Variants in SEPTIN5 observed in about 807,000 individuals in gnomAD.
SEPTIN5 encodes the protein septin-5.
In SEPTIN5, 16 loss-of-function variants were observed where a neutral mutation model predicts 51.2. The observed-to-expected ratio is 0.31, with a 90% CI of 0.21 to 0.47. The LOEUF is 0.47. SEPTIN5 is among the 20% of genes least tolerant of loss of function. The pLI is 0.99. For synonymous variants in SEPTIN5, 208 were observed against 191.2 expected (o/e 1.09, Z -0.72); for missense variants, 376 against 500.3 (o/e 0.75, Z 2.37).
In SEPTIN5 at chr22:19,714,758, C is replaced by G; in HGVS notation, c.44-23C>G. The G allele has an allele frequency of 1.9e-6, 3 of 1,589,230 alleles. No homozygotes were observed. Among genetic ancestry groups the G allele is most frequent in the Non-Finnish European group, 1.7e-6 (2 of 1,174,296 alleles). On this transcript the variant is annotated intron_variant, in intron 1 of 11. Coordinates refer to ENST00000455784, the MANE Select transcript of SEPTIN5 (RefSeq NM_002688.6). This position sits in a 1 kb window ranked among gnomAD's most constrained non-coding sequence, Gnocchi z 5.2. Reference sequence around the variant, plus strand: ...ACCCGCTCGGAACCGGACCCGGACTCGACCCCGACCCCGACCCCGCAGAGG... The same window carrying G: ...ACCCGCTCGGAACCGGACCCGGACTGGACCCCGACCCCGACCCCGCAGAGG...
chr22:19,720,863 A>C lies in SEPTIN5; in HGVS notation c.711A>C (p.Glu237Asp). The C allele has an allele frequency of 6.2e-7, 1 of 1,613,470 alleles. No homozygotes were observed. The highest frequency in any genetic ancestry group is 8.5e-7 in the Non-Finnish European group (1 of 1,179,792). Residue 237 changes from glutamate to aspartate, a missense_variant, in exon 8 of 12, where the codon GAA becomes GAC. Glu to Asp is a conservative substitution (Grantham distance 45, BLOSUM62 2). Around this residue, in one of 2 missense-constraint regions of SEPTIN5, gnomAD observed 287 missense variants for 417.1 expected, o/e 0.69. Coordinates refer to ENST00000455784, the MANE Select transcript of SEPTIN5 (RefSeq NM_002688.6). Reference protein sequence around the residue: ...EDEDFKQQDRELKESAPFAVI... With the variant: ...EDEDFKQQDRDLKESAPFAVI... ...AGGACTTCAAGCAGCAGGACCGGGA[A>C]CTGAAGGTGAACATGCAGACTGGTG...
intron 2 of SEPTIN5, among the ~76,000 whole-genome samples, chr22:19,716,367 G>C (rs1159776635): frequency 6.6e-6 from 1 of 152,228 alleles, no homozygotes; most frequent in Non-Finnish European, 1.5e-5. Context: ...AGAGGCATTG[G>C]GGGAGTTCCG....
At chr22:19,718,396 G>T in intron 2 of SEPTIN5, 1 of 1,034,248 alleles carries the variant, frequency 9.7e-7, no homozygotes, top group Non-Finnish European at 1.2e-6. Flanking sequence ...GGCGACGGCG[G>T]GCGGGGCCGT....
chr22:19,722,853 T>C lies in SEPTIN5; in HGVS notation c.*369T>C. 7 of 460,324 alleles carry C rather than the reference T, an allele frequency of 1.5e-5. No homozygotes were observed. The highest frequency in any genetic ancestry group is 1.5e-4 in the South Asian group (7 of 46,708). 28.5% of individuals were successfully genotyped at this position (460,324 alleles called of 1,614,324 possible). On this transcript the variant is annotated 3_prime_UTR_variant, in exon 12 of 12. Coordinates refer to ENST00000455784, the MANE Select transcript of SEPTIN5 (RefSeq NM_002688.6). Reference sequence around the variant, plus strand: ...ATCCTGGGTCTGTTCCCTGCCCCAGTGCTGCAGAACGGACTTGGGAGCCCT... The same window carrying C: ...ATCCTGGGTCTGTTCCCTGCCCCAGCGCTGCAGAACGGACTTGGGAGCCCT...
Position 19,720,925 on chromosome 22 carries a change from G to C in SEPTIN5, c.717+56G>C. ...ATGGAGCTGGTGAGGGGCAGAACCA[G>C]AGGGCTTTGTCTCCTTCACATTGAG... On this transcript the variant is annotated intron_variant, in intron 8 of 11. Coordinates refer to ENST00000455784, the MANE Select transcript of SEPTIN5 (RefSeq NM_002688.6). 5 of 1,481,444 alleles carry C rather than the reference G, an allele frequency of 3.4e-6. No individual in the cohort carries two copies. The South Asian group carries it at 4.5e-5, about 13-fold the overall frequency. The allele number at this position is 1,481,444 out of a possible 1,614,324, so 91.8% of individuals were successfully genotyped here.
intron 2 of SEPTIN5, chr22:19,718,532 G>T: frequency 7.8e-7 from 1 of 1,281,474 alleles, no homozygotes; most frequent in Non-Finnish European, 9.9e-7. Context: ...CCCAGTCAGG[G>T]GGATGGCTCG....
At chr22:19,719,490 A>G (rs1935980587) in intron 2 of SEPTIN5, 112 bp from the exon 3 acceptor site, 2 of 847,164 alleles carry the variant, frequency 2.4e-6, no homozygotes, top group Non-Finnish European at 3.6e-6. Context: ...GAAATGCCCC[A>G]CCCTGGGAAC....
chr22:19,721,830 C>T lies in SEPTIN5; in HGVS notation c.823C>T (p.Gln275Ter). Residue 275 changes from glutamine to a stop codon, truncating the protein, a stop_gained, in exon 10 of 12, where the codon CAG becomes TAG. Coordinates refer to ENST00000455784, the MANE Select transcript of SEPTIN5 (RefSeq NM_002688.6). LOFTEE classifies it high-confidence loss of function. Reference protein sequence around the residue: ...YPWGIVEVENQAHCDFVKLRN... With the variant: ...YPWGIVEVEN ...CCACCCCCACCCCGCAGTGGAGAACCAGGCGCATTGCGACTTCGTGAAGCT... is the reference window on the plus strand; with the variant it reads ...CCACCCCCACCCCGCAGTGGAGAACTAGGCGCATTGCGACTTCGTGAAGCT... The T allele has an allele frequency of 6.2e-7, 1 of 1,610,090 alleles. No homozygotes were observed. The highest frequency in any genetic ancestry group is 8.5e-7 in the Non-Finnish European group (1 of 1,177,944).
Position 19,721,874 on chromosome 22 carries a change from C to G in SEPTIN5, c.867C>G (p.Arg289=). Residue 289 remains arginine (R), a synonymous_variant, in exon 10 of 12, where the codon CGC becomes CGG. Transcript: ENST00000455784. ...TGAAGCTGCGCAACATGCTCATCCG[C>G]ACGCATATGCACGACCTCAAGGACG... ...DFVKLRNMLI[R]THMHDLKDVT... 1.2e-6 allele frequency: 2 copies of G among 1,612,284 alleles called. No homozygotes were observed. The highest frequency in any genetic ancestry group is 2.2e-5 in the South Asian group (2 of 91,084).
At position 19,718,907 on chromosome 22, in the gene SEPTIN5, C is replaced by T. The variant is rs1935964086; in HGVS notation, c.55-695C>T. 3 of 1,187,288 alleles carry T rather than the reference C, an allele frequency of 2.5e-6. No homozygotes were observed. In the South Asian group the frequency reaches 1.3e-4, roughly 51 times the overall value. The allele number at this position is 1,187,288 out of a possible 1,614,324, so 73.5% of individuals were successfully genotyped here. ...GGTCCCCGTCCCCGCGCGCCACGGC[C>T]CGCCAGCGCCTAGGCTCAGCCCTTC... On this transcript the variant is annotated intron_variant, in intron 2 of 11. Transcript: ENST00000455784.
chr22:19,716,032 C>T (rs1014404938), intron 2 of SEPTIN5, among the ~76,000 whole-genome samples: 2 of 152,222 alleles, frequency 1.3e-5, no homozygotes, highest in African/African-American at 2.4e-5. Flanking sequence ...ACTCTGAGAC[C>T]CTGGGCTCCA....
intron 8 of SEPTIN5, among the ~76,000 whole-genome samples, chr22:19,721,297 G>A (rs181969680): frequency 2.0e-4 from 31 of 152,340 alleles, no homozygotes; most frequent in Middle Eastern, 3.4e-3. Context: ...ACCATGCCAG[G>A]GGCAGGTGGC....
At chr22:19,720,076 A>C (rs1228728739) in intron 4 of SEPTIN5, 39 bp from the exon 5 acceptor site, 1 of 1,612,002 alleles carries the variant, frequency 6.2e-7, no homozygotes, top group East Asian at 2.2e-5. Flanking sequence ...TGAGGGGCTG[A>C]GGGTTGGAGA....
In SEPTIN5 at chr22:19,718,668, TC is replaced by T. The variant is rs765332963; in HGVS notation, c.55-933del. The T allele has an allele frequency of 4.7e-6, 6 of 1,284,896 alleles. No homozygotes were observed. The East Asian group carries it at 1.4e-4, about 31-fold the overall frequency. 79.6% of individuals were successfully genotyped at this position (1,284,896 alleles called of 1,614,324 possible). On this transcript the variant is annotated intron_variant, in intron 2 of 11. Transcript: ENST00000455784. Reference sequence around the variant, plus strand: ...AGAGCCGCGCCAAGGTCCCTCGCTGTCGCCGGGCTCTGGCGGCCTGACCGGG... The same window carrying T: ...AGAGCCGCGCCAAGGTCCCTCGCTGTGCCGGGCTCTGGCGGCCTGACCGGG...
chr22:19,722,065 C>A, intron 10 of SEPTIN5, 108 bp downstream of exon 10: 2 of 1,371,088 alleles, frequency 1.5e-6, no homozygotes, highest in South Asian at 1.4e-5. Context: ...TTGCACCATT[C>A]CCTAAGCCCC....
At chr22:19,718,996 AC>A in intron 2 of SEPTIN5, 1 of 577,656 alleles carries the variant, frequency 1.7e-6, no homozygotes, top group Non-Finnish European at 2.5e-6. Flanking sequence ...TCCAGGCCTC[AC>A]CTCACGCGAC....
intron 2 of SEPTIN5, 90 bp from the exon 3 acceptor site, chr22:19,719,512 C>A: frequency 9.5e-7 from 1 of 1,050,178 alleles, no homozygotes; most frequent in Non-Finnish European, 1.4e-6. Flanking sequence ...GTACCCTCTG[C>A]TGTCTCCTCA....
At chr22:19,720,482 G>T (rs769720786) in intron 6 of SEPTIN5, 28 bp downstream of exon 6, 1 of 1,613,056 alleles carries the variant, frequency 6.2e-7, no homozygotes, top group Non-Finnish European at 8.5e-7. Context: ...GGCCAGGCTC[G>T]GGAGTGCAGC....
At chr22:19,718,464 G>A in intron 2 of SEPTIN5, 8 of 1,137,392 alleles carry the variant, frequency 7.0e-6, no homozygotes, top group Non-Finnish European at 8.6e-6. Flanking sequence ...CCTCTGGCTC[G>A]GGTGCGGGAG....
Sources: allele counts gnomAD v4.1 joint callset (sites outside exome capture counted in the v4.1 genomes callset), GRCh38; gene constraint gnomAD v4.1.1; regional missense constraint gnomAD v4.1.1; non-coding constraint Gnocchi (gnomAD v3.1); transcripts MANE v1.5; gene names NCBI Gene and HGNC (gene_info 2026-07-23, HGNC 2026-07-21).